CALN1: variants seen among roughly 807,000 people sequenced by gnomAD.
CALN1 encodes calneuron 1.
CALN1 carries 17 observed loss-of-function variants against 30.6 expected under a neutral mutation model. That is an observed-to-expected ratio of 0.56 (90% confidence interval 0.38 to 0.83). The LOEUF (loss-of-function observed/expected upper bound fraction) is 0.83. Ranked by LOEUF, CALN1 falls within the 40% of genes least tolerant of loss-of-function variation. The probability of loss-of-function intolerance (pLI) is 0.00; values close to 1 mark genes in which losing one functional copy is unlikely to be tolerated. For missense variants in CALN1, 291 were observed against 354.9 expected (o/e 0.82, Z 1.45); for synonymous variants, 156 against 131.4 (o/e 1.19, Z -1.28).
At chr7:72,140,935 G>A (rs1809887110) in intron 3 of CALN1, among the ~76,000 whole-genome samples, 1 of 152,212 alleles carries the variant, frequency 6.6e-6, no homozygotes, top group African/African-American at 2.4e-5. Flanking sequence ...CCACCTGGGA[G>A]GAGGAAGACA....
At chr7:71,974,940 GCT>G (rs1798031917) in intron 5 of CALN1, among the ~76,000 whole-genome samples, 1 of 152,122 alleles carries the variant, frequency 6.6e-6, no homozygotes, top group African/African-American at 2.4e-5. Context: ...GAGATGTTTT[GCT>G]CTCTGTTCTC....
intron 3 of CALN1, among the ~76,000 whole-genome samples, chr7:72,215,363 G>A (rs1233953410): frequency 6.6e-6 from 1 of 152,128 alleles, no homozygotes; most frequent in African/African-American, 2.4e-5. Context: ...GGAGGCCGAG[G>A]TGGGCAGATC....
At chr7:71,910,645 A>T (rs979681404) in intron 5 of CALN1, among the ~76,000 whole-genome samples, 1 of 152,200 alleles carries the variant, frequency 6.6e-6, no homozygotes, top group African/African-American at 2.4e-5. Flanking sequence ...GTTCTTGAGT[A>T]GAGTTATGTA....
intron 5 of CALN1, among the ~76,000 whole-genome samples, chr7:71,904,196 T>C (rs1286375950): frequency 6.6e-6 from 1 of 152,220 alleles, no homozygotes; most frequent in Non-Finnish European, 1.5e-5. Context: ...ATCCCACTAC[T>C]GGGTACATGT....
intron 2 of CALN1, among the ~76,000 whole-genome samples, chr7:72,387,407 T>C (rs1805297666): frequency 6.6e-6 from 1 of 152,112 alleles, no homozygotes; most frequent in African/African-American, 2.4e-5. Context: ...GTCTGTGCAG[T>C]GACTTTCTCC....
the CALN1 span, among the ~76,000 whole-genome samples, chr7:72,475,378 C>A: frequency 6.6e-6 from 1 of 152,040 alleles, no homozygotes; most frequent in African/African-American, 2.4e-5. Flanking sequence ...TCACTTGAAC[C>A]CAGGAGGTGG....
intron 5 of CALN1, among the ~76,000 whole-genome samples, chr7:71,956,461 T>TA (rs1376339345): frequency 6.6e-6 from 1 of 150,516 alleles, no homozygotes; most frequent in Non-Finnish European, 1.5e-5. Flanking sequence ...GTATTTTTTT[T>TA]AAAAATTATT....
chr7:72,002,500 G>A (rs1006551960), intron 5 of CALN1, among the ~76,000 whole-genome samples: 1 of 152,076 alleles, frequency 6.6e-6, no homozygotes, highest in African/African-American at 2.4e-5. Context: ...TTGAAAAATT[G>A]TAAGTTGAAC....
intron 2 of CALN1, among the ~76,000 whole-genome samples, chr7:72,377,431 A>T (rs1804625078): frequency 1.8e-5 from 2 of 109,384 alleles, no homozygotes; most frequent in African/African-American, 7.2e-5. Flanking sequence ...TATGGGCCAC[A>T]CTTTCGTGTG....
rs567959476 is a variant in CALN1 at position 72,248,519 on chromosome 7, T to C, written c.244+30167A>G. 3.0e-4 allele frequency among the ~76,000 whole-genome samples: 45 copies of C among 152,232 alleles called. No homozygotes were observed. The South Asian group carries it at 7.1e-3, about 24-fold the overall frequency. ...AATCTCTCTCTCTCTTTCTCCTTCT[T>C]TCTCTCTTCCATTCTCTCTTCTTCC... On this transcript the variant is annotated intron_variant, in intron 3 of 6. Coordinates refer to ENST00000395275, the MANE Select transcript of CALN1 (RefSeq NM_031468.4).
At chr7:72,286,154 T>C (rs1404780915) in intron 2 of CALN1, among the ~76,000 whole-genome samples, 8 of 152,160 alleles carry the variant, frequency 5.3e-5, no homozygotes, top group African/African-American at 1.9e-4. Flanking sequence ...TAAGAAGAGA[T>C]TGTTATCTAC....
rs541738463 is a variant in CALN1, at chr7:71,907,270, C to A, written c.502-96778G>T. Reference sequence around the variant, plus strand: ...CACACACACACACACACACACACAACTTAAGGAAGGCTTGATGTGTTCCAT... The same window carrying A: ...CACACACACACACACACACACACAAATTAAGGAAGGCTTGATGTGTTCCAT... On this transcript the variant is annotated intron_variant, in intron 5 of 6. Transcript: ENST00000395275. Among the ~76,000 whole-genome samples the A allele has an allele frequency of 3.2e-5, 4 of 124,632 alleles. No individual in the cohort carries two copies. The East Asian group carries it at 1.4e-3, about 43-fold the overall frequency. The allele number at this position is 124,632 out of a possible 152,430, so 81.8% of individuals were successfully genotyped here.
chr7:72,013,247 ATTTTTTTTTTTT>A (rs1025112311), intron 5 of CALN1, among the ~76,000 whole-genome samples: 1 of 92,982 alleles, frequency 1.1e-5, no homozygotes, highest in African/African-American at 4.7e-5. Context: ...CTAATTTGAG[ATTTTTTTTTTTT>A]TTTTTTTTTT....
chr7:71,969,629 C>G (rs1455159049), intron 5 of CALN1, among the ~76,000 whole-genome samples: 11 of 152,094 alleles, frequency 7.2e-5, no homozygotes, highest in Non-Finnish European at 1.5e-4. Flanking sequence ...CTGAACATAG[C>G]ATTATCAGAA....
intron 2 of CALN1, among the ~76,000 whole-genome samples, chr7:72,291,936 T>A (rs973880714): frequency 2.6e-5 from 4 of 151,222 alleles, no homozygotes; most frequent in African/African-American, 9.7e-5. Context: ...TTATTGCCAA[T>A]GTGATGGTAT....
chr7:72,429,838 A>T (rs761172990), intron 1 of CALN1, among the ~76,000 whole-genome samples: 1 of 150,680 alleles, frequency 6.6e-6, no homozygotes, highest in Non-Finnish European at 1.5e-5. Flanking sequence ...TATATATTTG[A>T]GATGGAGTCT....
At chr7:71,935,295 G>A (rs1055701938) in intron 5 of CALN1, among the ~76,000 whole-genome samples, 1 of 152,208 alleles carries the variant, frequency 6.6e-6, no homozygotes, top group African/African-American at 2.4e-5. Flanking sequence ...ACAGCAAGCA[G>A]GGTGCAGGAT....
At chr7:72,188,517 T>G (rs1030250019) in intron 3 of CALN1, among the ~76,000 whole-genome samples, 1 of 150,294 alleles carries the variant, frequency 6.7e-6, no homozygotes, top group Admixed American at 6.7e-5. Flanking sequence ...TTGAAAGGCA[T>G]AAGAATGATA....
intron 3 of CALN1, among the ~76,000 whole-genome samples, chr7:72,159,450 T>G (rs1166683493): frequency 6.6e-6 from 1 of 151,880 alleles, no homozygotes; most frequent in African/African-American, 2.4e-5. Flanking sequence ...CAGAGAACTA[T>G]GACCACGCCA....
Sources: allele counts gnomAD v4.1 joint callset (sites outside exome capture counted in the v4.1 genomes callset), GRCh38; gene constraint gnomAD v4.1.1; transcripts MANE v1.5; gene names NCBI Gene and HGNC (gene_info 2026-07-23, HGNC 2026-07-21).